MFAP3L: variants seen among roughly 807,000 people sequenced by gnomAD.
The protein encoded by MFAP3L is microfibril associated protein 3 like.
A neutral mutation model predicts 20.0 loss-of-function variants in MFAP3L; 5 were observed. The ratio of observed to expected loss-of-function variants is 0.25; its 90% CI spans 0.13 to 0.53. MFAP3L has a LOEUF of 0.53. Among genes scored for constraint, MFAP3L ranks in the 20% least tolerant of loss-of-function variants. The probability of loss-of-function intolerance (pLI) is 0.96; values close to 1 mark genes in which losing one functional copy is unlikely to be tolerated. For missense variants in MFAP3L, 409 were observed against 527.5 expected (o/e 0.78, Z 2.20); for synonymous variants, 219 against 213.0 (o/e 1.03, Z -0.25).
intron 1 of MFAP3L, among the ~76,000 whole-genome samples, chr4:170,023,523 A>G (rs531984111): frequency 1.4e-4 from 22 of 152,342 alleles, no homozygotes; most frequent in African/African-American, 5.1e-4. Flanking sequence ...GAGGTATTAT[A>G]CCAAACTTAA....
At chr4:170,026,656 G>GC (rs1248372716), upstream of MFAP3L, among the ~76,000 whole-genome samples, 1 of 152,076 alleles carries the variant, frequency 6.6e-6, no homozygotes, top group African/African-American at 2.4e-5. Context: ...GGCCTCGGCG[G>GC]CCCCCAGAGC....
In MFAP3L at chr4:170,005,957, AGGTCATGGGACAAACCTGTCCT is replaced by A. The variant is rs988929169; in HGVS notation, c.-102_-81del. On this transcript the variant is annotated 5_prime_UTR_variant, in exon 2 of 3. It removes an upstream start codon present in the reference 5' UTR. Transcript: ENST00000361618. ...TATCAGACAACACACTGTTCACAGC[AGGTCATGGGACAAACCTGTCCT>A]GGGTCCATAGAGTTGGTACTTGAGC... is the stretch of plus-strand genomic sequence containing the variant. The A allele has an allele frequency of 5.9e-6, 9 of 1,518,548 alleles. No individual in the cohort carries two copies. The highest frequency in any genetic ancestry group is 6.2e-6 in the Non-Finnish European group (7 of 1,131,030). 94.1% of individuals were successfully genotyped at this position (1,518,548 alleles called of 1,614,324 possible).
At chr4:170,017,711 G>A (rs542634336) in intron 1 of MFAP3L, among the ~76,000 whole-genome samples, 1 of 152,286 alleles carries the variant, frequency 6.6e-6, no homozygotes, top group Admixed American at 6.5e-5. Context: ...CCTGACTTTA[G>A]TGGTTAAGAT....
In MFAP3L at chr4:170,024,276, A is replaced by G. The variant is rs188621398; in HGVS notation, c.-134+1958T>C. 3.5e-3 allele frequency among the ~76,000 whole-genome samples: 526 copies of G among 152,318 alleles called. 5 individuals are homozygous for G. Among genetic ancestry groups the G allele is most frequent in the African/African-American group, 0.012 (510 of 41,580 alleles). ...CATCGTGTCTCTTAACACTGAGAAA[A>G]TACTTAGGATTTGTACTTAGGATTT... On this transcript the variant is annotated intron_variant, in intron 1 of 2. Transcript: ENST00000361618.
At position 169,987,412 on chromosome 4, in the gene MFAP3L, T is replaced by TA. The variant is rs1275407828; in HGVS notation, c.*3965dup. 6.6e-6 allele frequency: 1 copy of TA among 152,156 alleles called. No individual in the cohort carries two copies. The highest frequency in any genetic ancestry group is 1.9e-4 in the East Asian group (1 of 5,194). The allele number at this position is 152,156 out of a possible 1,614,324, so 9.4% of individuals were successfully genotyped here. ...GTACGTGAAGAGCGGTAAAGGAAAG[T>TA]ATCTGAACAATGCTGAGAAAACAGA... On this transcript the variant is annotated 3_prime_UTR_variant, in exon 3 of 3. Coordinates refer to ENST00000361618, the MANE Select transcript of MFAP3L (RefSeq NM_021647.8).
In MFAP3L at chr4:169,988,081, G is replaced by T. The variant is rs1051190130; in HGVS notation, c.*3297C>A. The T allele has an allele frequency of 6.6e-6, 1 of 152,112 alleles. No individual in the cohort carries two copies. Among genetic ancestry groups the T allele is most frequent in the Non-Finnish European group, 1.5e-5 (1 of 68,008 alleles). The allele number at this position is 152,112 out of a possible 1,614,324, so 9.4% of individuals were successfully genotyped here. ...ATAATGACACAGCACAATAATGCTT[G>T]GGATGGATGAGACATTCAGAGATTT... is the stretch of plus-strand genomic sequence containing the variant. On this transcript the variant is annotated 3_prime_UTR_variant, in exon 3 of 3. Transcript: ENST00000361618.
chr4:170,010,837 G>C (rs1370318482), intron 1 of MFAP3L, among the ~76,000 whole-genome samples: 2 of 151,860 alleles, frequency 1.3e-5, no homozygotes, highest in Non-Finnish European at 2.9e-5. Context: ...AACCCATGTT[G>C]TTCAAGCATC....
intron 1 of MFAP3L, among the ~76,000 whole-genome samples, chr4:170,019,414 T>C (rs1189340913): frequency 6.6e-6 from 1 of 152,044 alleles, no homozygotes; most frequent in Non-Finnish European, 1.5e-5. Context: ...CATGGTGGCA[T>C]GCACCTGTAA....
At chr4:170,004,627 T>C (rs960458233) in intron 2 of MFAP3L, among the ~76,000 whole-genome samples, 2 of 152,192 alleles carry the variant, frequency 1.3e-5, no homozygotes, top group Non-Finnish European at 2.9e-5. Flanking sequence ...TTAGCCTCTA[T>C]TCTTTTTTCA....
Position 169,991,972 on chromosome 4 carries a change from G to A in MFAP3L, c.636C>T (p.Thr212=). The change falls in exon 3 of 3, where the codon ACC becomes ACT. Residue 212 remains threonine (T), a synonymous_variant. Coordinates refer to ENST00000361618, the MANE Select transcript of MFAP3L (RefSeq NM_021647.8). This position sits in a 1 kb window ranked among gnomAD's most constrained non-coding sequence, Gnocchi z 4.9. ...TGGCAAGCTCTAGAGTTTTGGCGGA[G>A]GTGATGATGGGGATGCGCTTGGCGA... ...FEIAKRIPII[T]SAKTLELAKV... The A allele has an allele frequency of 1.2e-6, 2 of 1,614,196 alleles. No individual in the cohort carries two copies. Among genetic ancestry groups the A allele is most frequent in the Non-Finnish European group, 8.5e-7 (1 of 1,180,046 alleles).
chr4:170,001,393 T>A (rs1372298820), intron 2 of MFAP3L, among the ~76,000 whole-genome samples: 1 of 152,184 alleles, frequency 6.6e-6, no homozygotes, highest in Non-Finnish European at 1.5e-5. Context: ...GCTTAATTGT[T>A]TTTGGCAACC....
In MFAP3L at chr4:169,988,488, TTA is replaced by T. The variant is rs1351265430; in HGVS notation, c.*2888_*2889del. The T allele has an allele frequency of 1.3e-5, 2 of 152,224 alleles. No homozygotes were observed. The highest frequency in any genetic ancestry group is 4.8e-5 in the African/African-American group (2 of 41,466). 9.4% of individuals were successfully genotyped at this position (152,224 alleles called of 1,614,324 possible). ...CGACCCAAAGGACGAGGCTTTGGAT[TTA>T]GTGTGAAGCTTTTAAAACTGCCCAA... is the stretch of plus-strand genomic sequence containing the variant. On this transcript the variant is annotated 3_prime_UTR_variant, in exon 3 of 3. Transcript: ENST00000361618.
intron 2 of MFAP3L, chr4:170,005,274 T>TA (rs1738954672): frequency 2.4e-6 from 1 of 411,800 alleles, no homozygotes; most frequent in African/African-American, 2.0e-5. Context: ...AAATTGAATA[T>TA]ATTATTTAGG....
intron 1 of MFAP3L, chr4:170,007,040 A>G (rs879615341): frequency 1.3e-5 from 2 of 152,110 alleles, no homozygotes; most frequent in Non-Finnish European, 2.9e-5. Flanking sequence ...ATTTCATTCT[A>G]ATTCTATAGC....
At chr4:170,026,401 G>C (rs113707504), upstream of MFAP3L, 35,388 of 550,754 alleles carry the variant, frequency 0.064, 1,300 homozygotes, top group Non-Finnish European at 0.074. Context: ...CGGCTGCCGG[G>C]AGCGCGGAGC....
intron 1 of MFAP3L, among the ~76,000 whole-genome samples, chr4:170,017,387 G>C (rs115274658): frequency 0.016 from 2,388 of 152,134 alleles, 53 homozygotes; most frequent in African/African-American, 0.055. Context: ...AATTCACCTA[G>C]CATTTATGGT....
chr4:169,998,420 A>G (rs1404560037), intron 2 of MFAP3L, among the ~76,000 whole-genome samples: 2 of 152,260 alleles, frequency 1.3e-5, no homozygotes, highest in Non-Finnish European at 2.9e-5. Flanking sequence ...AGCAGCAATG[A>G]GCAACGCATT....
chr4:170,019,775 C>T (rs1739914458), intron 1 of MFAP3L, among the ~76,000 whole-genome samples: 1 of 152,174 alleles, frequency 6.6e-6, no homozygotes, highest in African/African-American at 2.4e-5. Flanking sequence ...AAACTCAAAT[C>T]CTCAGTGGAA....
intron 1 of MFAP3L, among the ~76,000 whole-genome samples, chr4:170,008,729 G>T (rs1739193163): frequency 6.6e-6 from 1 of 152,134 alleles, no homozygotes; most frequent in Non-Finnish European, 1.5e-5. Context: ...GAAACTTCTA[G>T]TCCTTCTCAT....
Sources: gnomAD v4.1 joint callset for allele counts (sites outside exome capture counted in the v4.1 genomes callset) on GRCh38, gnomAD v4.1.1 for gene constraint, Gnocchi (gnomAD v3.1) non-coding constraint, MANE v1.5 for transcripts, NCBI Gene and HGNC (gene_info 2026-07-23, HGNC 2026-07-21) for gene names.